CDC42SE2: variants seen among roughly 807,000 people sequenced by gnomAD.
CDC42SE2 encodes CDC42 small effector protein 2.
In CDC42SE2, 3 loss-of-function variants were observed where a neutral mutation model predicts 11.5. That is an observed-to-expected ratio of 0.26 (90% CI 0.12 to 0.67). CDC42SE2 has a LOEUF of 0.67. CDC42SE2 is among the 30% of genes least tolerant of loss of function. The pLI is 0.80. For synonymous variants in CDC42SE2, 33 were observed against 34.8 expected (o/e 0.95, Z 0.18); for missense variants, 82 against 106.8 (o/e 0.77, Z 1.02).
chr5:131,322,035 A>G (rs1758202163), intron 2 of CDC42SE2, among the ~76,000 whole-genome samples: 1 of 151,950 alleles, frequency 6.6e-6, no homozygotes, highest in Non-Finnish European at 1.5e-5. Flanking sequence ...TATTTTTAGT[A>G]GAGACGGGGT....
chr5:131,236,666 A>T, the CDC42SE2 span, among the ~76,000 whole-genome samples: 1 of 152,302 alleles, frequency 6.6e-6, no homozygotes, highest in South Asian at 2.1e-4. Context: ...ACTTCAAGTG[A>T]TCTGCCCACC....
intron 1 of CDC42SE2, among the ~76,000 whole-genome samples, chr5:131,300,893 T>C (rs940499662): frequency 1.3e-5 from 2 of 152,146 alleles, no homozygotes; most frequent in Non-Finnish European, 2.9e-5. Flanking sequence ...CATAATAAAA[T>C]AGTTTCCGTT....
chr5:131,220,948 G>A, the CDC42SE2 span, among the ~76,000 whole-genome samples: 1 of 149,322 alleles, frequency 6.7e-6, no homozygotes, highest in Non-Finnish European at 1.5e-5. Context: ...GCGGTGGCGC[G>A]ATCTTGGCTC....
At chr5:131,239,235 T>A in the CDC42SE2 span, among the ~76,000 whole-genome samples, 1 of 151,678 alleles carries the variant, frequency 6.6e-6, no homozygotes, top group Admixed American at 6.6e-5. Flanking sequence ...TTTTTCAAAA[T>A]TTTTAAAATC....
intron 2 of CDC42SE2, among the ~76,000 whole-genome samples, chr5:131,316,401 G>A (rs72787040): frequency 5.3e-5 from 8 of 152,178 alleles, no homozygotes; most frequent in Non-Finnish European, 1.2e-4. Flanking sequence ...TCTTCAGTCC[G>A]AGGCCTGAAA....
chr5:131,268,123 C>T (rs1295939398), intron 1 of CDC42SE2, among the ~76,000 whole-genome samples: 33 of 126,772 alleles, frequency 2.6e-4, no homozygotes, highest in Middle Eastern at 6.3e-3. Flanking sequence ...AGTGCAATGG[C>T]GCAATCTCGG....
At chr5:131,383,148 A>G (rs1252316186) in intron 3 of CDC42SE2, among the ~76,000 whole-genome samples, 1 of 152,224 alleles carries the variant, frequency 6.6e-6, no homozygotes, top group East Asian at 1.9e-4. Flanking sequence ...GCTGGCATGC[A>G]GCACTCCAGA....
At chr5:131,272,247 C>G (rs1457168667) in intron 1 of CDC42SE2, among the ~76,000 whole-genome samples, 1 of 151,984 alleles carries the variant, frequency 6.6e-6, no homozygotes, top group East Asian at 1.9e-4. Context: ...ACTCTCACTC[C>G]TGACCTCAAG....
Position 131,353,910 on chromosome 5 carries a change from T to TA in CDC42SE2, c.-285-5285dup, listed in dbSNP as rs1312419875. ...CTCGGTGACAGAGCAAAACTCTGTC[T>TA]AAAAAAAAAAAAAATTATCGTTTAA... On this transcript the variant is annotated intron_variant, in intron 2 of 4. Coordinates refer to ENST00000505065, the MANE Select transcript of CDC42SE2 (RefSeq NM_001375635.1). 4.9e-3 allele frequency among the ~76,000 whole-genome samples: 691 copies of TA among 140,382 alleles called. 4 individuals carry two copies. Among genetic ancestry groups the TA allele is most frequent in the African/African-American group, 0.014 (545 of 38,260 alleles). The allele number at this position is 140,382 out of a possible 152,430, so 92.1% of individuals were successfully genotyped here. A position where few individuals can be genotyped will look rare whatever the true frequency, so the allele number is the denominator to read the frequency against.
chr5:131,329,999 T>C (rs905633042), intron 2 of CDC42SE2, among the ~76,000 whole-genome samples: 1 of 151,244 alleles, frequency 6.6e-6, no homozygotes, highest in Non-Finnish European at 1.5e-5. Flanking sequence ...AATTATTCTA[T>C]TATATCTCTC....
intron 3 of CDC42SE2, among the ~76,000 whole-genome samples, chr5:131,364,809 A>G (rs80148988): frequency 0.039 from 5,977 of 152,220 alleles, 366 homozygotes; most frequent in African/African-American, 0.13. Flanking sequence ...TATAATAGTC[A>G]GGGTGGGGGC....
At chr5:131,340,254 A>G (rs1261465427) in intron 2 of CDC42SE2, among the ~76,000 whole-genome samples, 1 of 152,226 alleles carries the variant, frequency 6.6e-6, no homozygotes, top group Non-Finnish European at 1.5e-5. Context: ...GAAATAATTC[A>G]TAACTCTTAA....
chr5:131,219,082 T>G, the CDC42SE2 span, among the ~76,000 whole-genome samples: 10 of 152,232 alleles, frequency 6.6e-5, no homozygotes, highest in Non-Finnish European at 1.0e-4. Flanking sequence ...GTTATGCAAT[T>G]GTGAGCATTC....
chr5:131,390,068 C>G (rs192381022), intron 4 of CDC42SE2, among the ~76,000 whole-genome samples: 1 of 152,328 alleles, frequency 6.6e-6, no homozygotes, highest in African/African-American at 2.4e-5. Flanking sequence ...TATCAGGAAA[C>G]AGCCCTGCAA....
chr5:131,324,770 C>T (rs764227336), intron 2 of CDC42SE2, among the ~76,000 whole-genome samples: 3 of 151,740 alleles, frequency 2.0e-5, no homozygotes, highest in Non-Finnish European at 4.4e-5. Flanking sequence ...AAAAAAATAC[C>T]CCAGATACTC....
At chr5:131,325,685 A>G (rs534554850) in intron 2 of CDC42SE2, among the ~76,000 whole-genome samples, 1 of 152,316 alleles carries the variant, frequency 6.6e-6, no homozygotes, top group South Asian at 2.1e-4. Flanking sequence ...TACCCAAGGA[A>G]ACTGAGGTCC....
At chr5:131,299,419 G>GC (rs34330429) in intron 1 of CDC42SE2, among the ~76,000 whole-genome samples, 1 of 152,144 alleles carries the variant, frequency 6.6e-6, no homozygotes, top group African/African-American at 2.4e-5. Context: ...ATAGAACATG[G>GC]CCGTTTGGCT....
intron 2 of CDC42SE2, among the ~76,000 whole-genome samples, chr5:131,257,680 G>A (rs890540251): frequency 1.3e-5 from 2 of 152,044 alleles, no homozygotes; most frequent in Non-Finnish European, 2.9e-5. Flanking sequence ...TTTTCACCAT[G>A]TTGTCCAGGC....
chr5:131,354,277 T>C (rs1018189692), intron 2 of CDC42SE2, among the ~76,000 whole-genome samples: 1 of 152,112 alleles, frequency 6.6e-6, no homozygotes, highest in South Asian at 2.1e-4. Context: ...AGTGGATACA[T>C]GTATTATTTA....
Sources: gnomAD v4.1 joint callset for allele counts (sites outside exome capture counted in the v4.1 genomes callset) on GRCh38, gnomAD v4.1.1 for gene constraint, MANE v1.5 for transcripts, NCBI Gene and HGNC (gene_info 2026-07-23, HGNC 2026-07-21) for gene names.